FAT3: variants seen among roughly 807,000 people sequenced by gnomAD.
FAT3 encodes protocadherin Fat 3.
A neutral mutation model predicts 310.2 loss-of-function variants in FAT3; 95 were observed. The observed-to-expected ratio is 0.31, with a 90% CI of 0.26 to 0.36. FAT3 has a LOEUF of 0.36. Ranked by LOEUF, FAT3 falls within the 10% of genes least tolerant of loss-of-function variation. FAT3 has a pLI of 1.00. For synonymous variants in FAT3, 2,314 were observed against 2,192.9 expected, an observed-to-expected ratio of 1.06 and a Z score of -1.54; for missense variants, 5,408 against 5,715.6, an observed-to-expected ratio of 0.95 and a Z score of 1.74.
At chr11:92,717,958 A>C (rs1282572648) in intron 4 of FAT3, among the ~76,000 whole-genome samples, 1 of 152,146 alleles carries the variant, frequency 6.6e-6, no homozygotes, top group Non-Finnish European at 1.5e-5. Context: ...GATTGCAAAA[A>C]ATGGCCACAA....
chr11:92,247,807 TA>T (rs1864982913), intron 1 of FAT3, among the ~76,000 whole-genome samples: 1 of 151,238 alleles, frequency 6.6e-6, no homozygotes, highest in Non-Finnish European at 1.5e-5. Flanking sequence ...CCCTTTCCAT[TA>T]AAAAATGCAA....
chr11:92,655,796 G>A (rs527291657), intron 3 of FAT3, among the ~76,000 whole-genome samples: 12 of 152,142 alleles, frequency 7.9e-5, no homozygotes, highest in Admixed American at 7.9e-4. Flanking sequence ...TATGCTGGGT[G>A]CAAGCATTTA....
intron 3 of FAT3, among the ~76,000 whole-genome samples, chr11:92,530,652 A>G (rs1373613355): frequency 6.6e-6 from 1 of 152,154 alleles, no homozygotes; most frequent in African/African-American, 2.4e-5. Flanking sequence ...GGTAGAATCA[A>G]GCAGAATTTG....
In FAT3 at chr11:92,524,830, G is replaced by A. The variant is rs1293973860; in HGVS notation, c.3489G>A (p.Lys1163=). The A allele has an allele frequency of 6.2e-7, 1 of 1,613,836 alleles. No individual in the cohort carries two copies. Among genetic ancestry groups the A allele is most frequent in the African/African-American group, 1.3e-5 (1 of 75,034 alleles). The change falls in exon 3 of 28, where the codon AAG becomes AAA. Residue 1163 remains lysine, a synonymous_variant. Transcript: ENST00000525166. ...YYPVVMENSP[K]DVSVIQIQAE... ...CTGTTGTCATGGAAAACTCTCCAAA[G>A]GACGTATCTGTCATTCAGATCCAGG...
intron 3 of FAT3, among the ~76,000 whole-genome samples, chr11:92,648,021 A>T (rs916972965): frequency 6.6e-6 from 1 of 152,164 alleles, no homozygotes; most frequent in East Asian, 1.9e-4. Context: ...AGAGCCGGAA[A>T]GAGGATTTCA....
At chr11:92,347,424 G>A (rs1186607811) in intron 1 of FAT3, among the ~76,000 whole-genome samples, 1 of 152,154 alleles carries the variant, frequency 6.6e-6, no homozygotes, top group African/African-American at 2.4e-5. Flanking sequence ...GGAAGAGAGG[G>A]AATGAAAATG....
intron 2 of FAT3, among the ~76,000 whole-genome samples, chr11:92,470,065 G>A (rs894645097): frequency 3.9e-5 from 6 of 151,982 alleles, no homozygotes; most frequent in South Asian, 4.1e-4. Context: ...TATCTCTAAC[G>A]GTCCAGTGGT....
At chr11:92,822,507 T>C (rs190685328) in intron 13 of FAT3, among the ~76,000 whole-genome samples, 1 of 152,310 alleles carries the variant, frequency 6.6e-6, no homozygotes, top group Admixed American at 6.5e-5. Flanking sequence ...GTTGAGGCTT[T>C]GTGAAATGTG....
At chr11:92,230,638 C>T (rs947835444) in intron 1 of FAT3, among the ~76,000 whole-genome samples, 12 of 152,098 alleles carry the variant, frequency 7.9e-5, no homozygotes, top group Non-Finnish European at 1.2e-4. Flanking sequence ...TTCTTTTCAG[C>T]GATATTTACT....
intron 1 of FAT3, among the ~76,000 whole-genome samples, chr11:92,321,505 G>A (rs561566235): frequency 1.3e-5 from 2 of 152,066 alleles, no homozygotes; most frequent in African/African-American, 4.8e-5. Flanking sequence ...TATTCTGAGA[G>A]GGGTTACAGT....
At chr11:92,790,287 C>A in intron 8 of FAT3, 69 bp downstream of exon 8, 1 of 1,512,772 alleles carries the variant, frequency 6.6e-7, no homozygotes, top group South Asian at 1.3e-5. Context: ...CATTAGCCTT[C>A]AGAAGTATAG....
chr11:92,588,243 C>A (rs1393466430), intron 3 of FAT3, among the ~76,000 whole-genome samples: 3 of 151,810 alleles, frequency 2.0e-5, no homozygotes, highest in African/African-American at 7.3e-5. Context: ...CTAATGCTAG[C>A]TTCTATTGCT....
intron 2 of FAT3, among the ~76,000 whole-genome samples, chr11:92,469,094 G>A (rs903308451): frequency 1.3e-5 from 2 of 152,020 alleles, no homozygotes; most frequent in South Asian, 2.1e-4. Context: ...ATAACTTAAC[G>A]AACCATAGGG....
rs141917975 is a variant in FAT3 at position 92,417,988 on chromosome 11, T to A, written c.3292+62584T>A. Among the ~76,000 whole-genome samples the A allele has an allele frequency of 3.1e-3, 471 of 151,888 alleles. 2 individuals are homozygous for A. The highest frequency in any genetic ancestry group is 0.01 in the African/African-American group (434 of 41,406). On this transcript the variant is annotated intron_variant, in intron 2 of 27. Coordinates refer to ENST00000525166, the MANE Select transcript of FAT3 (RefSeq NM_001367949.2). ...TGAATTCCTGTTGAGTTAATGGGGG[T>A]GGAGGGGTAGCAGGGATGATTTTCA... is the stretch of plus-strand genomic sequence containing the variant.
intron 3 of FAT3, among the ~76,000 whole-genome samples, chr11:92,627,945 G>A (rs1941397051): frequency 2.0e-5 from 3 of 152,226 alleles, no homozygotes; most frequent in South Asian, 4.1e-4. Context: ...GGGCTTTGAA[G>A]CCAGGAGACA....
At chr11:92,433,274 T>G (rs1487483266) in intron 2 of FAT3, among the ~76,000 whole-genome samples, 1 of 152,016 alleles carries the variant, frequency 6.6e-6, no homozygotes, top group African/African-American at 2.4e-5. Context: ...CAGGCACCAC[T>G]GGGGTATGAA....
At position 92,781,075 on chromosome 11, in the gene FAT3, C is replaced by CTTTT. The variant is rs10649331; in HGVS notation, c.4335+6909_4335+6912dup. Among the ~76,000 whole-genome samples the CTTTT allele has an allele frequency of 5.4e-4, 66 of 121,962 alleles. 1 individual carries two copies. The highest frequency in any genetic ancestry group is 1.6e-3 in the African/African-American group (52 of 32,186). 80.0% of individuals were successfully genotyped at this position (121,962 alleles called of 152,430 possible). On this transcript the variant is annotated intron_variant, in intron 7 of 27. Coordinates refer to ENST00000525166, the MANE Select transcript of FAT3 (RefSeq NM_001367949.2). ...GGTTCTTTTTTTTCTTTTCTTTATT[C>CTTTT]TTTTTTTTTTTTTTTTTGAGACAGA...
chr11:92,503,687 C>G (rs1378433695), intron 2 of FAT3, among the ~76,000 whole-genome samples: 2 of 152,068 alleles, frequency 1.3e-5, no homozygotes, highest in South Asian at 2.1e-4. Flanking sequence ...ATTCTCATTA[C>G]AGACAACACA....
intron 2 of FAT3, among the ~76,000 whole-genome samples, chr11:92,446,433 A>G (rs977740475): frequency 6.6e-6 from 1 of 152,144 alleles, no homozygotes; most frequent in East Asian, 1.9e-4. Flanking sequence ...GCTATGGCAT[A>G]TCCACCAACT....
Sources: gnomAD v4.1 joint callset for allele counts (sites outside exome capture counted in the v4.1 genomes callset) on GRCh38, gnomAD v4.1.1 for gene constraint, MANE v1.5 for transcripts, NCBI Gene and HGNC (gene_info 2026-07-23, HGNC 2026-07-21) for gene names.